Variants in FAM81A observed in about 807,000 individuals in gnomAD.
The protein encoded by FAM81A is protein FAM81A.
In FAM81A, 19 loss-of-function variants were observed where a neutral mutation model predicts 46.7. The observed-to-expected ratio is 0.41, with a 90% CI of 0.28 to 0.60. FAM81A has a LOEUF of 0.60. Ranked by LOEUF, FAM81A falls within the 20% of genes least tolerant of loss-of-function variation. The probability of loss-of-function intolerance (pLI) is 0.34; values close to 1 mark genes in which losing one functional copy is unlikely to be tolerated. For missense variants in FAM81A, 377 were observed against 453.5 expected, an observed-to-expected ratio of 0.83 and a Z score of 1.53; for synonymous variants, 183 against 152.9, an observed-to-expected ratio of 1.20 and a Z score of -1.45.
At chr15:59,414,010 G>T (rs906083139) in intron 2 of FAM81A, among the ~76,000 whole-genome samples, 10 of 152,148 alleles carry the variant, frequency 6.6e-5, no homozygotes, top group African/African-American at 2.2e-4. Flanking sequence ...CTGGAGAGCA[G>T]TGGCATGATC....
At chr15:59,418,211 A>AT (rs1278135161) in intron 2 of FAM81A, among the ~76,000 whole-genome samples, 1 of 152,204 alleles carries the variant, frequency 6.6e-6, no homozygotes, top group East Asian at 1.9e-4. Flanking sequence ...GTGCAAGCAC[A>AT]TTGAGGGCAC....
intron 4 of FAM81A, among the ~76,000 whole-genome samples, chr15:59,494,296 G>C (rs2082011892): frequency 6.6e-6 from 1 of 152,188 alleles, no homozygotes; most frequent in Non-Finnish European, 1.5e-5. Flanking sequence ...ACAGAGTAGG[G>C]ACTTTAGGAG....
At chr15:59,428,737 T>C (rs2081206314) in intron 2 of FAM81A, among the ~76,000 whole-genome samples, 1 of 150,106 alleles carries the variant, frequency 6.7e-6, no homozygotes, top group Non-Finnish European at 1.5e-5. Context: ...TTCAAGCTAT[T>C]CTCATGCCTC....
intron 1 of FAM81A, among the ~76,000 whole-genome samples, chr15:59,400,437 G>A (rs1225048017): frequency 6.6e-6 from 1 of 152,122 alleles, no homozygotes; most frequent in Non-Finnish European, 1.5e-5. Flanking sequence ...TTGCAAGTCT[G>A]GTTGCCCCGC....
intron 6 of FAM81A, among the ~76,000 whole-genome samples, chr15:59,509,613 C>T (rs768507777): frequency 1.7e-4 from 26 of 152,014 alleles, no homozygotes; most frequent in Admixed American, 8.5e-4. Context: ...ACTTTGAGGA[C>T]GGGGCAAAGA....
chr15:59,490,042 T>C (rs1385453054), intron 3 of FAM81A, among the ~76,000 whole-genome samples: 2 of 151,746 alleles, frequency 1.3e-5, no homozygotes, highest in African/African-American at 4.8e-5. Flanking sequence ...AAATAATCTG[T>C]ACAACAAACA....
chr15:59,507,116 T>A, intron 4 of FAM81A, 97 bp from the exon 5 acceptor site: 2 of 1,450,010 alleles, frequency 1.4e-6, no homozygotes, highest in South Asian at 2.7e-5. Flanking sequence ...TAGTGCACTT[T>A]CTTTGAGTGG....
At chr15:59,496,804 GT>G (rs1279200598) in intron 4 of FAM81A, among the ~76,000 whole-genome samples, 2 of 151,890 alleles carry the variant, frequency 1.3e-5, no homozygotes, top group African/African-American at 2.4e-5. Flanking sequence ...TGTGTTAGCT[GT>G]TTTAGGTCCA....
rs58682820 is a variant in FAM81A at position 59,483,261 on chromosome 15, A to C, written c.295-9010A>C. Among the ~76,000 whole-genome samples, 190 of 151,894 alleles carry C rather than the reference A, an allele frequency of 1.3e-3. 1 individual carries two copies. The highest frequency in any genetic ancestry group is 4.4e-3 in the African/African-American group (183 of 41,412). On this transcript the variant is annotated intron_variant, in intron 3 of 8. Transcript: ENST00000288228. ...ACCATTTTGGCCAGGCTGGTCTCGAACTCCTGATCTTGTGATCCACCCGCC... is the reference window on the plus strand; with the variant it reads ...ACCATTTTGGCCAGGCTGGTCTCGACCTCCTGATCTTGTGATCCACCCGCC...
At chr15:59,499,412 A>G (rs574496563) in intron 4 of FAM81A, among the ~76,000 whole-genome samples, 2 of 152,204 alleles carry the variant, frequency 1.3e-5, no homozygotes, top group Non-Finnish European at 2.9e-5. Context: ...ATTATTTTAA[A>G]CAATTGCTTT....
chr15:59,414,722 A>G (rs1457079238), intron 2 of FAM81A, among the ~76,000 whole-genome samples: 2 of 152,192 alleles, frequency 1.3e-5, no homozygotes, highest in African/African-American at 2.4e-5. Context: ...GCTGTTTTTC[A>G]AGTACCTCCA....
At chr15:59,510,837 T>G (rs1479284490) in intron 6 of FAM81A, among the ~76,000 whole-genome samples, 7 of 91,870 alleles carry the variant, frequency 7.6e-5, no homozygotes, top group Admixed American at 2.1e-4. Context: ...AAAACTACAC[T>G]AATGGAATTT....
intron 3 of FAM81A, among the ~76,000 whole-genome samples, chr15:59,482,469 A>C (rs1009970807): frequency 2.0e-5 from 3 of 152,098 alleles, no homozygotes; most frequent in Non-Finnish European, 4.4e-5. Context: ...GGGTTTCACC[A>C]TGTTGGCCAG....
At chr15:59,514,477 C>T (rs1000780673) in intron 7 of FAM81A, 53 bp downstream of exon 7, 109 of 1,566,784 alleles carry the variant, frequency 7.0e-5, no homozygotes, top group Middle Eastern at 1.9e-4. Context: ...TGGGGGCCTA[C>T]ACTGTTTGAA....
intron 2 of FAM81A, chr15:59,409,109 C>T (rs2081109230): frequency 6.6e-6 from 1 of 152,308 alleles, no homozygotes; most frequent in East Asian, 1.9e-4. Context: ...CGGATAGCTC[C>T]TACCTGAAAG....
At chr15:59,411,986 AGAAAC>A (rs1428348805) in intron 2 of FAM81A, among the ~76,000 whole-genome samples, 5 of 150,376 alleles carry the variant, frequency 3.3e-5, no homozygotes, top group Admixed American at 2.6e-4. Context: ...GGGCAGAAAA[AGAAAC>A]AAACAAAAAA....
chr15:59,443,706 C>T lies in FAM81A; in HGVS notation c.-78+5424C>T, dbSNP rs548428793. On this transcript the variant is annotated intron_variant, in intron 1 of 8. Transcript: ENST00000288228. ...TTCTGACTTTCTGTTCCTTGCACTC[C>T]CACATCCAGACAGTCATTGAGTCAA... is the stretch of plus-strand genomic sequence containing the variant. Among the ~76,000 whole-genome samples the T allele has an allele frequency of 7.9e-5, 12 of 152,258 alleles. No homozygotes were observed. In the East Asian group the frequency reaches 2.3e-3, roughly 29 times the overall value.
chr15:59,440,955 C>T (rs765327965), intron 1 of FAM81A, among the ~76,000 whole-genome samples: 4 of 152,212 alleles, frequency 2.6e-5, no homozygotes, highest in Non-Finnish European at 2.9e-5. Context: ...GACCTTTGGA[C>T]AGGTTCCATT....
chr15:59,404,375 G>T (rs1188281514), intron 2 of FAM81A, among the ~76,000 whole-genome samples: 1 of 152,170 alleles, frequency 6.6e-6, no homozygotes, highest in African/African-American at 2.4e-5. Context: ...TCCCACCTTA[G>T]ACAAGGCCAT....
Sources: gnomAD v4.1 joint callset for allele counts (sites outside exome capture counted in the v4.1 genomes callset) on GRCh38, gnomAD v4.1.1 for gene constraint, MANE v1.5 for transcripts, NCBI Gene and HGNC (gene_info 2026-07-23, HGNC 2026-07-21) for gene names.